The following UGGT2 variants were observed in gnomAD, a reference collection of about 807,000 sequenced individuals.
UGGT2 encodes the protein UDP-glucose:glycoprotein glucosyltransferase 2.
Under a neutral mutation model 192.1 loss-of-function variants are expected in UGGT2, and 180 were observed. That is an observed-to-expected ratio of 0.94 (90% CI 0.83 to 1.06). The LOEUF is 1.06. Ranked by LOEUF, UGGT2 falls within the 50% of genes least tolerant of loss-of-function variation. The pLI is 0.00. For missense variants in UGGT2, 1,849 were observed against 1,795.7 expected (o/e 1.03, Z -0.54); for synonymous variants, 580 against 591.0 (o/e 0.98, Z 0.27).
chr13:95,952,646 T>A (rs764243500), intron 12 of UGGT2, among the ~76,000 whole-genome samples: 4 of 152,200 alleles, frequency 2.6e-5, no homozygotes, highest in Non-Finnish European at 4.4e-5. Context: ...ATATTTTGCA[T>A]CTATGATCTT....
At chr13:95,942,665 T>C (rs1270383665) in intron 15 of UGGT2, among the ~76,000 whole-genome samples, 1 of 152,164 alleles carries the variant, frequency 6.6e-6, no homozygotes, top group East Asian at 1.9e-4. Context: ...CTTTTTGAAT[T>C]GTAGAAAATG....
chr13:95,882,261 G>A (rs2047516720), intron 27 of UGGT2, among the ~76,000 whole-genome samples: 1 of 152,156 alleles, frequency 6.6e-6, no homozygotes, highest in Non-Finnish European at 1.5e-5. Context: ...TGCTGGTTGT[G>A]CAATAATGTC....
chr13:96,025,728 T>A (rs1277512021), intron 2 of UGGT2, among the ~76,000 whole-genome samples: 2 of 152,024 alleles, frequency 1.3e-5, no homozygotes, highest in Non-Finnish European at 2.9e-5. Flanking sequence ...CCTTCACAGC[T>A]CTTGACAAAA....
intron 29 of UGGT2, among the ~76,000 whole-genome samples, chr13:95,870,991 C>T (rs1891166793): frequency 6.6e-6 from 1 of 152,228 alleles, no homozygotes; most frequent in Non-Finnish European, 1.5e-5. Context: ...TCAATCTTTC[C>T]AACCTTCCAG....
At position 96,013,402 on chromosome 13, in the gene UGGT2, C is replaced by T. The variant is rs142967468; in HGVS notation, c.565G>A (p.Glu189Lys). The T allele has an allele frequency of 2.7e-5, 43 of 1,607,140 alleles. No homozygotes were observed. Among genetic ancestry groups the T allele is most frequent in the South Asian group, 3.4e-5 (3 of 89,138 alleles). Residue 189 changes from glutamate to lysine, a missense_variant, in exon 5 of 39, where the codon GAA (glutamate) becomes AAA (lysine). By Grantham distance (56) the Glu-to-Lys change is moderately conservative. Coordinates refer to ENST00000376747, the MANE Select transcript of UGGT2 (RefSeq NM_020121.4). ...ENLPVVILYA[E>K]MGTRTFSAFH... ...GCACTAAATGTTCTAGTACCCATTTCGGCATAGAGAATCACCACTGGTAAG... is the reference window on the plus strand; with the variant it reads ...GCACTAAATGTTCTAGTACCCATTTTGGCATAGAGAATCACCACTGGTAAG...
intron 15 of UGGT2, among the ~76,000 whole-genome samples, chr13:95,945,857 C>T (rs2049848722): frequency 6.6e-6 from 1 of 152,086 alleles, no homozygotes. Flanking sequence ...AGTTTCTATA[C>T]TCTAGCTCAG....
intron 29 of UGGT2, among the ~76,000 whole-genome samples, chr13:95,875,340 G>A (rs1200801188): frequency 6.6e-6 from 1 of 151,892 alleles, no homozygotes; most frequent in Non-Finnish European, 1.5e-5. Context: ...TAAATTCTTT[G>A]TCAGATATAT....
At chr13:95,977,979 G>A (rs145194568) in intron 10 of UGGT2, among the ~76,000 whole-genome samples, 7 of 152,100 alleles carry the variant, frequency 4.6e-5, no homozygotes, top group Non-Finnish European at 2.9e-5. Flanking sequence ...ACTCATAAGT[G>A]GGAGATGAAC....
intron 20 of UGGT2, among the ~76,000 whole-genome samples, chr13:95,913,407 C>T (rs1275130309): frequency 6.6e-6 from 1 of 152,128 alleles, no homozygotes; most frequent in Non-Finnish European, 1.5e-5. Flanking sequence ...AAACAAACAA[C>T]CCCATCAAAA....
At chr13:95,804,006 C>G (rs914323003) in intron 38 of UGGT2, among the ~76,000 whole-genome samples, 1 of 151,664 alleles carries the variant, frequency 6.6e-6, no homozygotes, top group Non-Finnish European at 1.5e-5. Flanking sequence ...AAAACAAGAA[C>G]AAAATGAAAT....
At chr13:95,853,242 G>A (rs746208434) in intron 36 of UGGT2, among the ~76,000 whole-genome samples, 2 of 152,142 alleles carry the variant, frequency 1.3e-5, no homozygotes, top group Non-Finnish European at 2.9e-5. Flanking sequence ...AAATTACCCA[G>A]TCTTGGGTAT....
intron 29 of UGGT2, among the ~76,000 whole-genome samples, chr13:95,875,164 C>T (rs1369182506): frequency 6.6e-6 from 1 of 152,192 alleles, no homozygotes; most frequent in Middle Eastern, 3.4e-3. Context: ...TGGCATATCT[C>T]GTGGTTTTAA....
chr13:95,830,326 C>G (rs9590337), intron 38 of UGGT2, among the ~76,000 whole-genome samples: 1 of 152,058 alleles, frequency 6.6e-6, no homozygotes, highest in South Asian at 2.1e-4. Context: ...AAGAAACTAT[C>G]GTCAGAGTGA....
intron 4 of UGGT2, among the ~76,000 whole-genome samples, chr13:96,014,734 C>T (rs1418731840): frequency 6.6e-6 from 1 of 152,100 alleles, no homozygotes; most frequent in East Asian, 1.9e-4. Context: ...TAAAAGGATA[C>T]AAAATCATAC....
chr13:96,008,391 C>CA (rs2052049167), intron 5 of UGGT2, among the ~76,000 whole-genome samples: 1 of 152,088 alleles, frequency 6.6e-6, no homozygotes, highest in African/African-American at 2.4e-5. Flanking sequence ...AGCAACCAGG[C>CA]AAGAGAAAGA....
intron 12 of UGGT2, among the ~76,000 whole-genome samples, chr13:95,965,794 GT>G (rs2050560436): frequency 6.6e-6 from 1 of 151,948 alleles, no homozygotes; most frequent in East Asian, 1.9e-4. Context: ...AGTATATAAT[GT>G]TCAACATCAC....
At chr13:95,846,878 G>A (rs892998191) in intron 36 of UGGT2, among the ~76,000 whole-genome samples, 2 of 151,776 alleles carry the variant, frequency 1.3e-5, no homozygotes, top group Non-Finnish European at 2.9e-5. Context: ...TATTCTTTCA[G>A]TATCTGTAGA....
intron 38 of UGGT2, among the ~76,000 whole-genome samples, chr13:95,817,106 T>A (rs1884981776): frequency 6.6e-6 from 1 of 152,080 alleles, no homozygotes; most frequent in African/African-American, 2.4e-5. Context: ...CCAGCCTGGA[T>A]AGCAAAGCAA....
chr13:96,046,651 G>A lies in UGGT2; in HGVS notation c.158+6504C>T, dbSNP rs1228123583. ...GCAGTGGGTGCAGCCCACAGAGTGT[G>A]AGCCGAAGCGGGGCAAGGCATCGCC... On this transcript the variant is annotated intron_variant, in intron 1 of 38. Coordinates refer to ENST00000376747, the MANE Select transcript of UGGT2 (RefSeq NM_020121.4). Among the ~76,000 whole-genome samples the A allele has an allele frequency of 2.6e-5, 4 of 152,318 alleles. No homozygotes were observed. The East Asian group carries it at 5.8e-4, about 22-fold the overall frequency.
Sources: gnomAD v4.1 joint callset for allele counts (sites outside exome capture counted in the v4.1 genomes callset) on GRCh38, gnomAD v4.1.1 for gene constraint, MANE v1.5 for transcripts, NCBI Gene and HGNC (gene_info 2026-07-23, HGNC 2026-07-21) for gene names.